Variants in SLAIN2 observed in about 807,000 individuals in gnomAD.
SLAIN2 encodes the protein SLAIN family member 2, also known as SLAIN motif-containing protein 2.
SLAIN2 carries 31 observed loss-of-function variants against 56.6 expected under a neutral mutation model. The observed-to-expected ratio is 0.55, with a 90% CI of 0.41 to 0.74. The LOEUF (loss-of-function observed/expected upper bound fraction) is 0.74. SLAIN2 is among the 30% of genes least tolerant of loss of function. SLAIN2 has a pLI of 0.00. For synonymous variants in SLAIN2, 317 were observed against 284.9 expected, an observed-to-expected ratio of 1.11 and a Z score of -1.13; for missense variants, 777 against 754.2, an observed-to-expected ratio of 1.03 and a Z score of -0.35.
intron 6 of SLAIN2, among the ~76,000 whole-genome samples, chr4:48,418,411 C>T (rs999749948): frequency 1.3e-5 from 2 of 152,046 alleles, no homozygotes; most frequent in African/African-American, 4.8e-5. Context: ...TCCGCTGTTA[C>T]AATTCTGTGA....
intron 7 of SLAIN2, among the ~76,000 whole-genome samples, chr4:48,420,919 T>A (rs570364175): frequency 6.6e-6 from 1 of 152,348 alleles, no homozygotes; most frequent in Admixed American, 6.5e-5. Flanking sequence ...GTGTAAGTTT[T>A]ACCTTCAGAG....
In SLAIN2 at chr4:48,382,682, A is replaced by G; in HGVS notation, c.977A>G (p.Asp326Gly). ...GAACTTGATGCACAAAGTTTAGATG[A>G]TGAAGATGACAATATGCATCATGCA... ...DQELDAQSLD[D>G]EDDNMHHAVY... Residue 326 changes from aspartate to glycine, a missense_variant, in exon 5 of 8, where the codon GAT (aspartate) becomes GGT (glycine). Transcript: ENST00000264313. 1 of 1,613,926 alleles carries G rather than the reference A, an allele frequency of 6.2e-7. No individual in the cohort carries two copies. The highest frequency in any genetic ancestry group is 8.5e-7 in the Non-Finnish European group (1 of 1,179,874).
At chr4:48,376,066 A>AAG (rs1053141723) in intron 2 of SLAIN2, among the ~76,000 whole-genome samples, 3 of 152,192 alleles carry the variant, frequency 2.0e-5, no homozygotes, top group Non-Finnish European at 2.9e-5. Context: ...CAAGCCTCTT[A>AAG]AGAGAGAGAG....
chr4:48,381,727 T>G (rs1715977452), intron 4 of SLAIN2, among the ~76,000 whole-genome samples: 1 of 152,216 alleles, frequency 6.6e-6, no homozygotes, highest in Non-Finnish European at 1.5e-5. Flanking sequence ...TACATGACTT[T>G]AGGATTTGAA....
At chr4:48,371,836 C>T (rs951422490) in intron 2 of SLAIN2, among the ~76,000 whole-genome samples, 2 of 151,734 alleles carry the variant, frequency 1.3e-5, no homozygotes, top group Non-Finnish European at 2.9e-5. Flanking sequence ...CCCAGCTAGT[C>T]GGGAGACTGG....
At chr4:48,361,753 G>T (rs972645524) in intron 1 of SLAIN2, among the ~76,000 whole-genome samples, 6 of 152,142 alleles carry the variant, frequency 3.9e-5, no homozygotes, top group Non-Finnish European at 8.8e-5. Flanking sequence ...GATTCTAAAG[G>T]TCAGTTTGAT....
At chr4:48,408,844 C>T (rs749621710) in intron 6 of SLAIN2, among the ~76,000 whole-genome samples, 1 of 152,214 alleles carries the variant, frequency 6.6e-6, no homozygotes, top group Middle Eastern at 3.4e-3. Context: ...ACCACTCACT[C>T]AATTTCAGTT....
chr4:48,379,704 T>C lies in SLAIN2; in HGVS notation c.718T>C (p.Ser240Pro), dbSNP rs1715922476. The change falls in exon 4 of 8, where the codon TCA becomes CCA. Residue 240 changes from serine to proline, a missense_variant. Transcript: ENST00000264313. ...TTTTTTTTAAGGTAACTTGAAAAGC[T>C]CAGACAGAAATCCTCCACTCAGTCC... is the stretch of plus-strand genomic sequence containing the variant. Reference protein sequence around the residue: ...LPGNSGNLKSSDRNPPLSPQS... With the variant: ...LPGNSGNLKSPDRNPPLSPQS... 2.8e-6 allele frequency: 4 copies of C among 1,444,556 alleles called. No homozygotes were observed. Among genetic ancestry groups the C allele is most frequent in the African/African-American group, 1.5e-5 (1 of 68,006 alleles). The allele number at this position is 1,444,556 out of a possible 1,614,324, so 89.5% of individuals were successfully genotyped here.
chr4:48,347,829 C>G (rs942255070), intron 1 of SLAIN2, among the ~76,000 whole-genome samples: 1 of 152,136 alleles, frequency 6.6e-6, no homozygotes, highest in African/African-American at 2.4e-5. Context: ...TGAATTTGAC[C>G]ACTCTAGGTA....
chr4:48,389,777 C>T (rs1035532381), intron 6 of SLAIN2, among the ~76,000 whole-genome samples: 37 of 152,074 alleles, frequency 2.4e-4, no homozygotes, highest in Non-Finnish European at 3.5e-4. Flanking sequence ...GGTAAGGGAG[C>T]GGGTACAGCA....
chr4:48,358,157 A>G (rs1405647244), intron 1 of SLAIN2, among the ~76,000 whole-genome samples: 1 of 152,226 alleles, frequency 6.6e-6, no homozygotes, highest in Admixed American at 6.5e-5. Context: ...CACTTGTCTC[A>G]GTGACCTCAT....
rs778310300 is a variant in SLAIN2 at position 48,382,757 on chromosome 4, G to T, written c.1052G>T (p.Arg351Leu). 3.7e-6 allele frequency: 6 copies of T among 1,613,550 alleles called. No individual in the cohort carries two copies. The highest frequency in any genetic ancestry group is 5.1e-6 in the Non-Finnish European group (6 of 1,179,844). Residue 351 changes from arginine (R) to leucine (L), a missense_variant, in exon 5 of 8, where the codon CGA (arginine) becomes CTA (leucine). By Grantham distance (102) the Arg-to-Leu change is moderately radical (BLOSUM62 -2). Coordinates refer to ENST00000264313, the MANE Select transcript of SLAIN2 (RefSeq NM_020846.2). ...RFSPSPRNSP[R>L]PSPKQSPRNS... ...TCACCATCACCACGCAATTCACCTC[G>T]ACCGTCACCTAAGCAGTCACCCAGA... is the stretch of plus-strand genomic sequence containing the variant.
chr4:48,400,766 CGTTTGTTT>C (rs150241036), intron 6 of SLAIN2, among the ~76,000 whole-genome samples: 4 of 151,512 alleles, frequency 2.6e-5, no homozygotes, highest in Admixed American at 6.6e-5. Flanking sequence ...CTTCTAAATT[CGTTTGTTT>C]GTTTGTTTGT....
At chr4:48,412,192 T>G (rs1302350921) in intron 6 of SLAIN2, among the ~76,000 whole-genome samples, 1 of 152,180 alleles carries the variant, frequency 6.6e-6, no homozygotes, top group Non-Finnish European at 1.5e-5. Context: ...TACAGCTGTT[T>G]ATATATACTG....
At chr4:48,348,621 C>G (rs1484529988) in intron 1 of SLAIN2, among the ~76,000 whole-genome samples, 1 of 147,644 alleles carries the variant, frequency 6.8e-6, no homozygotes, top group East Asian at 2.0e-4. Context: ...ATCCGGGAGG[C>G]AGAGGTTGCA....
At chr4:48,363,913 C>T (rs1715423858) in intron 1 of SLAIN2, among the ~76,000 whole-genome samples, 2 of 124,922 alleles carry the variant, frequency 1.6e-5, no homozygotes, top group African/African-American at 2.9e-5. Context: ...CACGGCTGGC[C>T]AGGCGGGGGG....
At position 48,379,804 on chromosome 4, in the gene SLAIN2, A is replaced by G. The variant is rs1004543286; in HGVS notation, c.818A>G (p.Asn273Ser). Residue 273 changes from asparagine (N) to serine (S), a missense_variant, in exon 4 of 8, where the codon AAT becomes AGT. Physicochemically the swap from Asn to Ser is conservative, Grantham distance 46. Transcript: ENST00000264313. Reference protein sequence around the residue: ...EDSIGSNYKLNDVTDVQILAR... With the variant: ...EDSIGSNYKLSDVTDVQILAR... Reference sequence around the variant, plus strand: ...TCAATTGGATCCAATTATAAGCTAAATGATGTAACTGATGTACAGATTCTA... The same window carrying G: ...TCAATTGGATCCAATTATAAGCTAAGTGATGTAACTGATGTACAGATTCTA... 20 of 1,589,638 alleles carry G rather than the reference A, an allele frequency of 1.3e-5. No individual in the cohort carries two copies. The highest frequency in any genetic ancestry group is 2.3e-5 in the East Asian group (1 of 44,042).
intron 6 of SLAIN2, among the ~76,000 whole-genome samples, chr4:48,386,449 C>T (rs891398557): frequency 1.3e-5 from 2 of 152,164 alleles, no homozygotes; most frequent in African/African-American, 4.8e-5. Context: ...GTTGTCACAT[C>T]TATGGTTTAG....
Position 48,420,302 on chromosome 4 carries a change from A to G in SLAIN2, c.1538A>G (p.Asn513Ser). ...PPMVQSTVSA[N>S]PPSNINSATL... ...ATGGTTCAGAGCACAGTCTCAGCAA[A>G]TCCTCCCAGCAATATCAACAGCGCT... The change falls in exon 7 of 8, where the codon AAT becomes AGT. Residue 513 changes from asparagine to serine, a missense_variant. Coordinates refer to ENST00000264313, the MANE Select transcript of SLAIN2 (RefSeq NM_020846.2). The G allele has an allele frequency of 6.2e-7, 1 of 1,613,864 alleles. No individual in the cohort carries two copies.
Sources: allele counts gnomAD v4.1 joint callset (sites outside exome capture counted in the v4.1 genomes callset), GRCh38; gene constraint gnomAD v4.1.1; transcripts MANE v1.5; gene names NCBI Gene and HGNC (gene_info 2026-07-23, HGNC 2026-07-21).